The following SCLT1 variants were observed in gnomAD, a reference collection of about 807,000 sequenced individuals.
The protein encoded by SCLT1 is sodium channel-associated protein 1.
Under a neutral mutation model 112.8 loss-of-function variants are expected in SCLT1, and 78 were observed. That is an observed-to-expected ratio of 0.69 (90% CI 0.58 to 0.83). The LOEUF (loss-of-function observed/expected upper bound fraction) is 0.83, where lower values mean the gene tolerates loss of function less well. Among genes scored for constraint, SCLT1 ranks in the 40% least tolerant of loss-of-function variants. The probability of loss-of-function intolerance (pLI) is 0.00; values close to 1 mark genes in which losing one functional copy is unlikely to be tolerated. For missense variants in SCLT1, 747 were observed against 770.4 expected (o/e 0.97, Z 0.36); for synonymous variants, 257 against 254.7 (o/e 1.01, Z -0.09).
intron 20 of SCLT1, among the ~76,000 whole-genome samples, chr4:128,885,512 A>G (rs1393316665): frequency 6.6e-6 from 1 of 152,188 alleles, no homozygotes; most frequent in Non-Finnish European, 1.5e-5. Context: ...GGCCTACTAT[A>G]CTTTATTCCT....
intron 9 of SCLT1, chr4:128,971,130 A>C (rs886711437): frequency 6.6e-6 from 1 of 152,176 alleles, no homozygotes; most frequent in Non-Finnish European, 1.5e-5. Context: ...TAAACAGAAA[A>C]AATGATTTTT....
chr4:128,989,268 T>C (rs1250461534), intron 9 of SCLT1, among the ~76,000 whole-genome samples: 3 of 151,872 alleles, frequency 2.0e-5, no homozygotes, highest in African/African-American at 7.2e-5. Context: ...GCTGAAATCA[T>C]ATAAAGTATC....
chr4:128,958,392 A>G (rs1215702843), intron 12 of SCLT1, among the ~76,000 whole-genome samples: 1 of 152,176 alleles, frequency 6.6e-6, no homozygotes, highest in Non-Finnish European at 1.5e-5. Flanking sequence ...TGAACAAGCA[A>G]CTGAAGATGG....
chr4:128,973,988 CA>C (rs1268098471), intron 9 of SCLT1, among the ~76,000 whole-genome samples: 1 of 152,106 alleles, frequency 6.6e-6, no homozygotes, highest in Admixed American at 6.5e-5. Context: ...TCTACCAACA[CA>C]AAAGGTATGT....
At chr4:128,956,172 G>T (rs1280203931) in intron 13 of SCLT1, among the ~76,000 whole-genome samples, 2 of 152,120 alleles carry the variant, frequency 1.3e-5, no homozygotes, top group Non-Finnish European at 2.9e-5. Flanking sequence ...ATTATTTAAA[G>T]CTTCATGCAA....
At chr4:128,986,177 G>C (rs957375765) in intron 9 of SCLT1, among the ~76,000 whole-genome samples, 6 of 152,130 alleles carry the variant, frequency 3.9e-5, no homozygotes, top group African/African-American at 1.4e-4. Flanking sequence ...GGGGGAGGGA[G>C]AGTGAAGTAA....
At chr4:129,047,385 T>C (rs748393379) in intron 2 of SCLT1, among the ~76,000 whole-genome samples, 1 of 152,124 alleles carries the variant, frequency 6.6e-6, no homozygotes, top group African/African-American at 2.4e-5. Flanking sequence ...ACTGGCTTGC[T>C]TCCTTGGCCA....
At chr4:129,004,436 G>T (rs931815159) in intron 5 of SCLT1, among the ~76,000 whole-genome samples, 1 of 151,810 alleles carries the variant, frequency 6.6e-6, no homozygotes, top group Non-Finnish European at 1.5e-5. Context: ...CAATAATACT[G>T]AAAGGCTTAA....
intron 5 of SCLT1, among the ~76,000 whole-genome samples, chr4:129,034,957 G>A (rs1486130312): frequency 6.6e-6 from 1 of 152,046 alleles, no homozygotes; most frequent in Non-Finnish European, 1.5e-5. Context: ...GTACACTTAG[G>A]CTACAAGTAA....
chr4:129,040,019 T>C (rs1465973438), intron 4 of SCLT1: 1 of 588,676 alleles, frequency 1.7e-6, no homozygotes, highest in Non-Finnish European at 3.1e-6. Flanking sequence ...TGATTGTGCT[T>C]CCTAAGCTAA....
At chr4:129,005,133 T>C (rs940607229) in intron 5 of SCLT1, among the ~76,000 whole-genome samples, 2 of 152,180 alleles carry the variant, frequency 1.3e-5, no homozygotes, top group African/African-American at 4.8e-5. Context: ...TTGCTAATAC[T>C]ATAATCTGTC....
At chr4:128,925,427 C>T (rs1736219558) in intron 18 of SCLT1, among the ~76,000 whole-genome samples, 2 of 151,878 alleles carry the variant, frequency 1.3e-5, no homozygotes, top group African/African-American at 4.8e-5. Context: ...ACTGCAACCT[C>T]TGCCTCCTGC....
At chr4:129,081,228 TGA>T (rs1008078685) in intron 2 of SCLT1, among the ~76,000 whole-genome samples, 3 of 152,210 alleles carry the variant, frequency 2.0e-5, no homozygotes, top group Non-Finnish European at 4.4e-5. Context: ...TTCTCCCTCA[TGA>T]GCCTTTTCCT....
intron 9 of SCLT1, chr4:128,971,049 G>T (rs934470710): frequency 1.3e-5 from 2 of 152,012 alleles, no homozygotes; most frequent in African/African-American, 2.4e-5. Flanking sequence ...CATTCTAACA[G>T]AATTAAATAA....
chr4:129,036,557 T>C (rs146325792), intron 5 of SCLT1: 1 of 151,528 alleles, frequency 6.6e-6, no homozygotes, highest in African/African-American at 2.4e-5. Context: ...AAATTTCCCA[T>C]GGGAAAAAAA....
At chr4:128,914,020 T>C (rs1362836056) in intron 18 of SCLT1, among the ~76,000 whole-genome samples, 1 of 152,164 alleles carries the variant, frequency 6.6e-6, no homozygotes, top group Non-Finnish European at 1.5e-5. Context: ...GCTTACTACT[T>C]AGCAGCTATT....
chr4:128,919,813 T>A (rs921405418), intron 18 of SCLT1, among the ~76,000 whole-genome samples: 2 of 151,502 alleles, frequency 1.3e-5, no homozygotes. Flanking sequence ...AATGGATAAA[T>A]TCTTAGAAAC....
chr4:129,030,773 C>T (rs1278040066), intron 5 of SCLT1, among the ~76,000 whole-genome samples: 4 of 152,076 alleles, frequency 2.6e-5, no homozygotes, highest in African/African-American at 9.7e-5. Flanking sequence ...AAGTCGAATC[C>T]TTGAATAGAC....
intron 18 of SCLT1, among the ~76,000 whole-genome samples, chr4:128,934,127 G>A (rs1411275476): frequency 6.6e-6 from 1 of 151,728 alleles, no homozygotes; most frequent in African/African-American, 2.4e-5. Flanking sequence ...CCAAAATTAA[G>A]CTTATAAATC....
Sources: allele counts gnomAD v4.1 joint callset (sites outside exome capture counted in the v4.1 genomes callset), GRCh38; gene constraint gnomAD v4.1.1; transcripts MANE v1.5; gene names NCBI Gene and HGNC (gene_info 2026-07-23, HGNC 2026-07-21).